The following ATXN1 variants were observed in gnomAD, a reference collection of about 807,000 sequenced individuals.
The protein encoded by ATXN1 is ataxin-1.
ATXN1 carries 8 observed loss-of-function variants against 56.4 expected under a neutral mutation model. That is an observed-to-expected ratio of 0.14 (90% CI 0.08 to 0.26). ATXN1 has a LOEUF of 0.26. ATXN1 is among the 10% of genes least tolerant of loss of function. ATXN1 has a pLI of 1.00. For synonymous variants in ATXN1, 514 were observed against 494.6 expected (o/e 1.04, Z -0.52); for missense variants, 987 against 1,106.5 (o/e 0.89, Z 1.53).
intron 4 of ATXN1, among the ~76,000 whole-genome samples, chr6:16,524,437 A>T (rs1267745933): frequency 6.6e-6 from 1 of 152,214 alleles, no homozygotes; most frequent in Non-Finnish European, 1.5e-5. Context: ...TTTTCATCCT[A>T]ACAACAGACG....
chr6:16,496,786 A>G (rs1760788754), intron 5 of ATXN1, among the ~76,000 whole-genome samples: 1 of 152,094 alleles, frequency 6.6e-6, no homozygotes. Context: ...CTAAATATTT[A>G]AAACTCTTTA....
chr6:16,455,474 G>A (rs1269605046), intron 6 of ATXN1, among the ~76,000 whole-genome samples: 1 of 152,192 alleles, frequency 6.6e-6, no homozygotes, highest in East Asian at 1.9e-4. Flanking sequence ...GGGTGGGAAT[G>A]CAAATAGTAA....
At chr6:16,428,438 A>C (rs1759205545) in intron 6 of ATXN1, among the ~76,000 whole-genome samples, 1 of 151,934 alleles carries the variant, frequency 6.6e-6, no homozygotes, top group Non-Finnish European at 1.5e-5. Context: ...TAGTAATAGC[A>C]AATACTGGGT....
At chr6:16,307,240 G>A (rs1024476414) in intron 7 of ATXN1, among the ~76,000 whole-genome samples, 5 of 152,226 alleles carry the variant, frequency 3.3e-5, no homozygotes, top group Non-Finnish European at 5.9e-5. Context: ...CAAGCCCAGC[G>A]CGGTCTTAGA....
intron 2 of ATXN1, among the ~76,000 whole-genome samples, chr6:16,683,665 A>AT (rs1758859403): frequency 6.6e-6 from 1 of 152,192 alleles, no homozygotes; most frequent in Admixed American, 6.5e-5. Flanking sequence ...ATGAGTCCTT[A>AT]AAAACAGACA....
chr6:16,686,238 A>C (rs1433169418), intron 2 of ATXN1, among the ~76,000 whole-genome samples: 1 of 152,216 alleles, frequency 6.6e-6, no homozygotes, highest in Non-Finnish European at 1.5e-5. Context: ...CAGAGTCTTA[A>C]ATTTTAAAAC....
intron 2 of ATXN1, among the ~76,000 whole-genome samples, chr6:16,727,681 T>C (rs1383227819): frequency 6.6e-6 from 1 of 152,196 alleles, no homozygotes; most frequent in Admixed American, 6.5e-5. Context: ...TCTTAGCTGT[T>C]ATTAGTCTGT....
chr6:16,457,049 G>A (rs1364272399), intron 6 of ATXN1, among the ~76,000 whole-genome samples: 1 of 152,104 alleles, frequency 6.6e-6, no homozygotes, highest in African/African-American at 2.4e-5. Context: ...TCAGGGTATG[G>A]CCCTCCACTC....
intron 6 of ATXN1, among the ~76,000 whole-genome samples, chr6:16,388,242 G>C (rs1758281418): frequency 6.6e-6 from 1 of 152,214 alleles, no homozygotes; most frequent in South Asian, 2.1e-4. Flanking sequence ...GCAGGCCTGG[G>C]AAGAGTTCCA....
At chr6:16,752,654 T>C (rs1760758185) in intron 2 of ATXN1, among the ~76,000 whole-genome samples, 1 of 152,210 alleles carries the variant, frequency 6.6e-6, no homozygotes, top group Non-Finnish European at 1.5e-5. Context: ...TGAGGCAATA[T>C]CCTCTGGCCC....
intron 3 of ATXN1, among the ~76,000 whole-genome samples, chr6:16,595,902 T>C (rs1762805296): frequency 6.6e-6 from 1 of 152,250 alleles, no homozygotes; most frequent in Non-Finnish European, 1.5e-5. Flanking sequence ...TGGTGCCTTC[T>C]CGTTTTAAGC....
intron 6 of ATXN1, among the ~76,000 whole-genome samples, chr6:16,353,468 T>TC (rs1432873270): frequency 6.6e-6 from 1 of 151,592 alleles, no homozygotes; most frequent in African/African-American, 2.4e-5. Flanking sequence ...GGGTCAGGAG[T>TC]TCGAGACCAG....
chr6:16,686,503 C>CACAGTTTTACGTGG (rs6149447), intron 2 of ATXN1, among the ~76,000 whole-genome samples: 124,012 of 151,982 alleles, frequency 0.82, 50,788 homozygotes, highest in African/African-American at 0.85. Flanking sequence ...GCATGCAACA[C>CACAGTTTTACGTGG]ATTATGCCGA....
intron 2 of ATXN1, among the ~76,000 whole-genome samples, chr6:16,693,454 G>A (rs994169875): frequency 5.3e-5 from 8 of 152,140 alleles, no homozygotes; most frequent in African/African-American, 1.9e-4. Flanking sequence ...ATGTACATGT[G>A]AATTATCGTC....
At chr6:16,661,282 A>G (rs2113366463) in intron 2 of ATXN1, among the ~76,000 whole-genome samples, 1 of 152,208 alleles carries the variant, frequency 6.6e-6, no homozygotes, top group South Asian at 2.1e-4. Flanking sequence ...ATATACATAT[A>G]TAGCATTTAT....
chr6:16,747,376 C>G (rs181709873), intron 2 of ATXN1, among the ~76,000 whole-genome samples: 1 of 152,052 alleles, frequency 6.6e-6, no homozygotes, highest in Non-Finnish European at 1.5e-5. Flanking sequence ...ACAAGCCCAT[C>G]GCTGTTAAGT....
chr6:16,327,225 C>G lies in ATXN1; in HGVS notation c.1086G>C (p.Val362=). 6.2e-7 allele frequency: 1 copy of G among 1,613,520 alleles called. No homozygotes were observed. The highest frequency in any genetic ancestry group is 1.1e-5 in the South Asian group (1 of 91,070). Residue 362 remains valine, a synonymous_variant, in exon 7 of 8, where the codon GTG becomes GTC. Transcript: ENST00000436367. ...VPHPYESRHV[V]VHPSPSDYSS... ...TGTAGTCTGAGGGGCTCGGGTGGAC[C>G]ACCACGTGCCTGGACTCGTACGGGT...
At chr6:16,515,456 G>A (rs1207612470) in intron 5 of ATXN1, among the ~76,000 whole-genome samples, 2 of 151,938 alleles carry the variant, frequency 1.3e-5, no homozygotes, top group Non-Finnish European at 2.9e-5. Flanking sequence ...AAGAAGCACC[G>A]TGTCCTGGGA....
rs142248338 is a variant in ATXN1, at chr6:16,744,878, C to T, written c.-615+8355G>A. On this transcript the variant is annotated intron_variant, in intron 2 of 7. Coordinates refer to ENST00000436367, the MANE Select transcript of ATXN1 (RefSeq NM_001128164.2). ...ACTTGAACCGTTGTACAACAAAAAG[C>T]ATCATCACTGAAATGAAAGGACACT... is the stretch of plus-strand genomic sequence containing the variant. Among the ~76,000 whole-genome samples, 9 of 152,278 alleles carry T rather than the reference C, an allele frequency of 5.9e-5. No individual in the cohort carries two copies. The East Asian group carries it at 9.7e-4, about 16-fold the overall frequency.
Sources: gnomAD v4.1 joint callset for allele counts (sites outside exome capture counted in the v4.1 genomes callset) on GRCh38, gnomAD v4.1.1 for gene constraint, MANE v1.5 for transcripts, NCBI Gene and HGNC (gene_info 2026-07-23, HGNC 2026-07-21) for gene names.